PCDHA1: variants seen among roughly 807,000 people sequenced by gnomAD.
PCDHA1 encodes the protein protocadherin alpha-1.
PCDHA1 carries 42 observed loss-of-function variants against 61.3 expected under a neutral mutation model. The observed-to-expected ratio is 0.69, with a 90% CI of 0.54 to 0.89. PCDHA1 has a LOEUF of 0.89. Ranked by LOEUF, PCDHA1 falls within the 40% of genes least tolerant of loss-of-function variation. The pLI is 0.00. For missense variants in PCDHA1, 1,256 were observed against 1,235.3 expected (o/e 1.02, Z -0.25); for synonymous variants, 610 against 553.8 (o/e 1.10, Z -1.43).
In PCDHA1 at chr5:140,795,130, C is replaced by A. The variant is rs782068523; in HGVS notation, c.2394+6446C>A. The A allele has an allele frequency of 9.3e-6, 15 of 1,614,008 alleles. No individual in the cohort carries two copies. The highest frequency in any genetic ancestry group is 6.7e-5 in the East Asian group (3 of 44,882). Reference sequence around the variant, plus strand: ...CATCGCGCAGGACCTGGGGCTGGAGCTGGAGGAGCTGGTGCCGCGCCTGTT... The same window carrying A: ...CATCGCGCAGGACCTGGGGCTGGAGATGGAGGAGCTGGTGCCGCGCCTGTT... On this transcript the variant is annotated intron_variant, in intron 1 of 3. Transcript: ENST00000504120.
rs183542590 is a variant in PCDHA1 at position 140,969,555 on chromosome 5, C to T, written c.2395-9394C>T. On this transcript the variant is annotated intron_variant, in intron 1 of 3. Coordinates refer to ENST00000504120, the MANE Select transcript of PCDHA1 (RefSeq NM_018900.4). ...CATTTTCAGAGGCATGAAGCCTTGT[C>T]CATAAAATTGTTTGAGAAGTGAGGA... The T allele has an allele frequency of 1.2e-5, 15 of 1,213,382 alleles. 1 individual carries two copies. The highest frequency in any genetic ancestry group is 1.7e-5 in the South Asian group (1 of 59,354). The allele number at this position is 1,213,382 out of a possible 1,614,324, so 75.2% of individuals were successfully genotyped here. A position where few individuals can be genotyped will look rare whatever the true frequency, so the allele number is the denominator to read the frequency against.
intron 1 of PCDHA1, chr5:140,853,694 G>A (rs1425849966): frequency 1.0e-6 from 1 of 988,064 alleles, no homozygotes; most frequent in African/African-American, 1.8e-5. Context: ...CCTTAGACCT[G>A]CTAACGCATT....
At chr5:140,803,219 G>A (rs781822960) in intron 1 of PCDHA1, 12 of 1,613,838 alleles carry the variant, frequency 7.4e-6, no homozygotes, top group Admixed American at 1.7e-5. Context: ...AGAGTGGCCA[G>A]GCACCCAAGG....
At chr5:140,823,956 C>A (rs2150130724) in intron 1 of PCDHA1, 23 of 1,613,908 alleles carry the variant, frequency 1.4e-5, no homozygotes, top group South Asian at 7.7e-5. Flanking sequence ...CGCAGCCCAC[C>A]GAGGCCGTGT....
At chr5:140,807,148 G>A (rs1554123753) in intron 1 of PCDHA1, 1 of 1,578,228 alleles carries the variant, frequency 6.3e-7, no homozygotes, top group East Asian at 2.2e-5. Context: ...TTGACTTTGA[G>A]AAACGATATT....
rs1554117547 is a variant in PCDHA1, at chr5:140,786,802, C to T, written c.512C>T (p.Thr171Met). The change falls in exon 1 of 4, where the codon ACG becomes ATG. Residue 171 changes from threonine (T) to methionine (M), a missense_variant. Coordinates refer to ENST00000504120, the MANE Select transcript of PCDHA1 (RefSeq NM_018900.4). ...DIGANALLTY[T>M]LSPSDYFSLD... ...GGTGCTAACGCTCTTCTAACGTACA[C>T]GCTCAGCCCGAGTGATTATTTCTCT... 5.0e-6 allele frequency: 8 copies of T among 1,614,096 alleles called. No individual in the cohort carries two copies. In the East Asian group the frequency reaches 1.6e-4, roughly 31 times the overall value.
chr5:140,851,018 A>G (rs1389465492), intron 1 of PCDHA1: 4 of 1,432,904 alleles, frequency 2.8e-6, no homozygotes, highest in South Asian at 1.7e-5. Context: ...TTTTTCTGAT[A>G]AAGTAAACCC....
In PCDHA1 at chr5:140,855,474, C is replaced by T. The variant is rs997217146; in HGVS notation, c.2394+66790C>T. On this transcript the variant is annotated intron_variant, in intron 1 of 3. Transcript: ENST00000504120. Reference sequence around the variant, plus strand: ...ATAAACACCTCACAGATAGTTGATGCTTGACATTAGTGTCTAAATAAACCT... The same window carrying T: ...ATAAACACCTCACAGATAGTTGATGTTTGACATTAGTGTCTAAATAAACCT... Among the ~76,000 whole-genome samples, 3 of 149,784 alleles carry T rather than the reference C, an allele frequency of 2.0e-5. 1 individual carries two copies. Among genetic ancestry groups the T allele is most frequent in the African/African-American group, 7.3e-5 (3 of 40,830 alleles).
At chr5:140,992,187 G>C (rs1395618041) in intron 3 of PCDHA1, among the ~76,000 whole-genome samples, 1 of 152,118 alleles carries the variant, frequency 6.6e-6, no homozygotes, top group Non-Finnish European at 1.5e-5. Flanking sequence ...CATGCTTTCA[G>C]TGATCTATCC....
At chr5:140,992,708 C>T (rs2097525816) in intron 3 of PCDHA1, among the ~76,000 whole-genome samples, 1 of 152,100 alleles carries the variant, frequency 6.6e-6, no homozygotes, top group African/African-American at 2.4e-5. Context: ...ATGTTCCTGC[C>T]AGTATTCGTA....
At chr5:140,895,038 C>G (rs1554186328) in intron 1 of PCDHA1, among the ~76,000 whole-genome samples, 1 of 152,104 alleles carries the variant, frequency 6.6e-6, no homozygotes, top group African/African-American at 2.4e-5. Context: ...TGTCCCCCAC[C>G]CACACCATTC....
intron 1 of PCDHA1, among the ~76,000 whole-genome samples, chr5:140,897,558 T>A (rs1413076305): frequency 3.3e-5 from 5 of 152,186 alleles, no homozygotes; most frequent in African/African-American, 1.2e-4. Context: ...ATGGTGTATA[T>A]GTGCCACATT....
chr5:140,920,821 C>T (rs1389717155), intron 1 of PCDHA1, among the ~76,000 whole-genome samples: 11 of 146,336 alleles, frequency 7.5e-5, no homozygotes, highest in South Asian at 2.1e-4. Flanking sequence ...TCCAGCCTGG[C>T]GACGGAGCAA....
At position 140,822,379 on chromosome 5, in the gene PCDHA1, G is replaced by A. The variant is rs2150115854; in HGVS notation, c.2394+33695G>A. 1.9e-6 allele frequency: 3 copies of A among 1,614,118 alleles called. No homozygotes were observed. In the Admixed American group the frequency reaches 5.0e-5, roughly 27 times the overall value. ...GGTTTTGAGGAAATCCTTAGATAGA[G>A]AAGAAACACAAGAACACCGTTTATT... On this transcript the variant is annotated intron_variant, in intron 1 of 3. Transcript: ENST00000504120.
chr5:140,971,115 G>A (rs1409733667), intron 1 of PCDHA1, among the ~76,000 whole-genome samples: 1 of 152,146 alleles, frequency 6.6e-6, no homozygotes, highest in Non-Finnish European at 1.5e-5. Flanking sequence ...GGATTGGGGT[G>A]GGCTACAGGT....
intron 1 of PCDHA1, chr5:140,824,185 C>A: frequency 6.2e-7 from 1 of 1,603,316 alleles, no homozygotes; most frequent in Non-Finnish European, 8.5e-7. Flanking sequence ...TATTAAATGT[C>A]ACATTCACCC....
At chr5:140,849,627 G>C in intron 1 of PCDHA1, 1 of 1,598,784 alleles carries the variant, frequency 6.3e-7, no homozygotes, top group Non-Finnish European at 8.6e-7. Context: ...GATCGACCTA[G>C]ACGCAGATGC....
chr5:140,930,338 A>T (rs2086745230), intron 1 of PCDHA1: 1 of 152,214 alleles, frequency 6.6e-6, no homozygotes, highest in African/African-American at 2.4e-5. Flanking sequence ...AATGAAAGTT[A>T]AGTGATTCAA....
At chr5:140,850,840 C>T (rs2150500104) in intron 1 of PCDHA1, 1 of 1,597,492 alleles carries the variant, frequency 6.3e-7, no homozygotes, top group Admixed American at 1.7e-5. Flanking sequence ...TGTGCTGGAT[C>T]TACAGAGCGA....
Sources: gnomAD v4.1 joint callset for allele counts (sites outside exome capture counted in the v4.1 genomes callset) on GRCh38, gnomAD v4.1.1 for gene constraint, MANE v1.5 for transcripts, NCBI Gene and HGNC (gene_info 2026-07-23, HGNC 2026-07-21) for gene names.